The following BIRC3 variants were observed in gnomAD, a reference collection of about 807,000 sequenced individuals.
BIRC3 encodes the protein baculoviral IAP repeat-containing protein 3.
Under a neutral mutation model 59.0 loss-of-function variants are expected in BIRC3, and 26 were observed. The ratio of observed to expected loss-of-function variants is 0.44; its 90% confidence interval spans 0.32 to 0.61. The LOEUF is 0.61. Ranked by LOEUF, BIRC3 falls within the 20% of genes least tolerant of loss-of-function variation. The probability of loss-of-function intolerance (pLI) is 0.04; values close to 1 mark genes in which losing one functional copy is unlikely to be tolerated. For synonymous variants in BIRC3, 243 were observed against 249.2 expected (o/e 0.98, Z 0.24); for missense variants, 641 against 711.5 (o/e 0.90, Z 1.13).
rs775150532 is a variant in BIRC3, at chr11:102,331,039, A to G, written c.1122A>G (p.Ala374=). 1 of 1,613,778 alleles carries G rather than the reference A, an allele frequency of 6.2e-7. No homozygotes were observed. The highest frequency in any genetic ancestry group is 8.5e-7 in the Non-Finnish European group (1 of 1,179,802). Residue 374 remains alanine (A), a synonymous_variant, in exon 6 of 9, where the codon GCA becomes GCG. Transcript: ENST00000263464. ...CTGGAGAAGACCATTCAGAAGATGC[A>G]ATCATGATGAATACTCCTGTGATTA... ...FEPGEDHSED[A]IMMNTPVINA... is the part of the protein sequence containing the mutation.
intron 6 of BIRC3, among the ~76,000 whole-genome samples, chr11:102,335,224 A>G (rs1189537973): frequency 6.6e-6 from 1 of 152,278 alleles, no homozygotes; most frequent in Non-Finnish European, 1.5e-5. Context: ...CCTGGGCGAC[A>G]GAGCAAGACT....
rs1591519098 is a variant in BIRC3 at position 102,322,026 on chromosome 11, A to T, written c.-2484A>T. On this transcript the variant is annotated 5_prime_UTR_variant, in exon 2 of 9. The change abolishes the stop of an existing upstream ORF in the 5' untranslated region. Coordinates refer to ENST00000263464, the MANE Select transcript of BIRC3 (RefSeq NM_001165.5). ...CTATCCAAAGAATGCTAATTTTATA[A>T]ACATGATCGAGTTATATAAGGTATA... The T allele has an allele frequency of 2.0e-5, 4 of 195,242 alleles. No individual in the cohort carries two copies. In the East Asian group the frequency reaches 3.2e-4, roughly 16 times the overall value. The allele number at this position is 195,242 out of a possible 1,614,324, so 12.1% of individuals were successfully genotyped here.
At chr11:102,336,659 A>C in intron 7 of BIRC3, 101 bp from the exon 8 acceptor site, 4 of 1,069,400 alleles carry the variant, frequency 3.7e-6, no homozygotes, top group Non-Finnish European at 5.5e-6. Flanking sequence ...CCTTGAAATG[A>C]GTATTTGGCT....
At position 102,324,514 on chromosome 11, in the gene BIRC3, A is replaced by G; in HGVS notation, c.5A>G (p.Asn2Ser). 5 of 1,608,686 alleles carry G rather than the reference A, an allele frequency of 3.1e-6. No homozygotes were observed. Among genetic ancestry groups the G allele is most frequent in the Admixed American group, 3.4e-5 (2 of 59,474 alleles). M[N>S]IVENSIFLSN... is the part of the protein sequence containing the mutation. ...TTCTTCCCCATTCATTTCATTATGA[A>G]CATAGTAGAAAACAGCATATTCTTA... The change falls in exon 2 of 9, where the codon AAC (asparagine) becomes AGC (serine). Residue 2 changes from asparagine to serine, a missense_variant. By Grantham distance (46) the Asn-to-Ser change is conservative. Transcript: ENST00000263464.
intron 6 of BIRC3, among the ~76,000 whole-genome samples, chr11:102,335,507 T>C (rs183807428): frequency 6.6e-6 from 1 of 152,324 alleles, no homozygotes; most frequent in East Asian, 1.9e-4. Flanking sequence ...TCACTGCAGC[T>C]TCATTTTCTC....
In BIRC3 at chr11:102,325,034, T is replaced by A. The variant is rs1424156417; in HGVS notation, c.525T>A (p.Thr175=). ...AMNNENARLL[T]FQTWPLTFLS... ...ATAACGAAAATGCCAGATTACTTAC[T>A]TTTCAGACATGGCCATTGACTTTTC... The change falls in exon 2 of 9, where the codon ACT becomes ACA. Residue 175 remains threonine, a synonymous_variant. Transcript: ENST00000263464. 1.2e-6 allele frequency: 2 copies of A among 1,614,114 alleles called. No individual in the cohort carries two copies. Among genetic ancestry groups the A allele is most frequent in the African/African-American group, 2.7e-5 (2 of 74,944 alleles).
In BIRC3 at chr11:102,325,088, C is replaced by T. The variant is rs1951068870; in HGVS notation, c.579C>T (p.Gly193=). The change falls in exon 2 of 9, where the codon GGC becomes GGT. Residue 193 remains glycine (G), a synonymous_variant. Transcript: ENST00000263464. ...FLSPTDLAKA[G]FYYIGPGDRV... Reference sequence around the variant, plus strand: ...CGCCAACAGATCTGGCAAAAGCAGGCTTTTACTACATAGGACCTGGAGACA... The same window carrying T: ...CGCCAACAGATCTGGCAAAAGCAGGTTTTTACTACATAGGACCTGGAGACA... 6.2e-7 allele frequency: 1 copy of T among 1,614,084 alleles called. No homozygotes were observed.
chr11:102,338,353 TCATAAGGGTCACAGCTGA>T lies in BIRC3; in HGVS notation c.*1254_*1271del. 1 of 228,430 alleles carries T rather than the reference TCATAAGGGTCACAGCTGA, an allele frequency of 4.4e-6. No individual in the cohort carries two copies. The highest frequency in any genetic ancestry group is 8.7e-6 in the Non-Finnish European group (1 of 115,046). The allele number at this position is 228,430 out of a possible 1,614,324, so 14.2% of individuals were successfully genotyped here. ...GTAAGGGCAGAAGGGAAAGACCCCTTCATAAGGGTCACAGCTGACAATCCTATAACAAAAGACAGGTTA... is the reference window on the plus strand; with the variant it reads ...GTAAGGGCAGAAGGGAAAGACCCCTTCAATCCTATAACAAAAGACAGGTTA... On this transcript the variant is annotated 3_prime_UTR_variant, in exon 9 of 9. Coordinates refer to ENST00000263464, the MANE Select transcript of BIRC3 (RefSeq NM_001165.5).
Position 102,324,338 on chromosome 11 carries a change from T to C in BIRC3, c.-172T>C. 1 of 641,948 alleles carries C rather than the reference T, an allele frequency of 1.6e-6. No individual in the cohort carries two copies. Among genetic ancestry groups the C allele is most frequent in the South Asian group, 2.4e-5 (1 of 41,074 alleles). 39.8% of individuals were successfully genotyped at this position (641,948 alleles called of 1,614,324 possible). Reference sequence around the variant, plus strand: ...GTATTTCTTCCTTAAAATGTATCAGTATAGGATTTAGAATCTCCATGTTGA... The same window carrying C: ...GTATTTCTTCCTTAAAATGTATCAGCATAGGATTTAGAATCTCCATGTTGA... On this transcript the variant is annotated 5_prime_UTR_variant, in exon 2 of 9. Transcript: ENST00000263464.
At chr11:102,320,821 C>T (rs1167161001) in intron 1 of BIRC3, among the ~76,000 whole-genome samples, 1 of 152,228 alleles carries the variant, frequency 6.6e-6, no homozygotes, top group Non-Finnish European at 1.5e-5. Flanking sequence ...TAGACTGTTA[C>T]TGTTAGTGGA....
At chr11:102,320,940 A>G (rs1951025622) in intron 1 of BIRC3, among the ~76,000 whole-genome samples, 1 of 152,256 alleles carries the variant, frequency 6.6e-6, no homozygotes, top group Admixed American at 6.5e-5. Flanking sequence ...CTGCAGGACT[A>G]TAGGCCCAGT....
rs907218648 is a variant in BIRC3 at position 102,337,792 on chromosome 11, C to T, written c.*690C>T. The stretch of plus-strand genomic sequence containing the variant: ...AGTTTAGTCACTCCCAGACTCTTTC[C>T]ATACCTTCTTAAAGCCTCTCAAATA... On this transcript the variant is annotated 3_prime_UTR_variant, in exon 9 of 9. Coordinates refer to ENST00000263464, the MANE Select transcript of BIRC3 (RefSeq NM_001165.5). 23 of 235,062 alleles carry T rather than the reference C, an allele frequency of 9.8e-5. No individual in the cohort carries two copies. The highest frequency in any genetic ancestry group is 5.1e-4 in the African/African-American group (23 of 45,430). 14.6% of individuals were successfully genotyped at this position (235,062 alleles called of 1,614,324 possible). A position where few individuals can be genotyped will look rare whatever the true frequency, so the allele number is the denominator to read the frequency against.
chr11:102,335,834 C>T (rs1269783030), intron 6 of BIRC3, 132 bp from the exon 7 acceptor site: 4 of 899,444 alleles, frequency 4.4e-6, no homozygotes, highest in Non-Finnish European at 6.6e-6. Flanking sequence ...CACCCCTAAA[C>T]CTAGCAATCA....
chr11:102,337,209 C>A lies in BIRC3; in HGVS notation c.*107C>A. ...CCTTAAAATTTTTATTTATTTACAA[C>A]TCAAAAAACATTGTTTTGTGTAACA... is the stretch of plus-strand genomic sequence containing the variant. On this transcript the variant is annotated 3_prime_UTR_variant, in exon 9 of 9. Transcript: ENST00000263464. The A allele has an allele frequency of 1.3e-6, 1 of 795,236 alleles. No homozygotes were observed. The highest frequency in any genetic ancestry group is 3.9e-4 in the Middle Eastern group (1 of 2,540). 49.3% of individuals were successfully genotyped at this position (795,236 alleles called of 1,614,324 possible). A position where few individuals can be genotyped will look rare whatever the true frequency, so the allele number is the denominator to read the frequency against.
In BIRC3 at chr11:102,336,007, C is replaced by T; in HGVS notation, c.1366C>T (p.Gln456Ter). ...CCGGAAGAATAGAATGGCACTTTTT[C>T]AACATTTGACTTGTGTAATTCCAAT... ...LIRKNRMALF[Q>*]HLTCVIPILD... The change falls in exon 7 of 9, where the codon CAA becomes TAA. Residue 456 changes from glutamine to a stop codon, truncating the protein, a stop_gained. Transcript: ENST00000263464. LOFTEE classifies it high-confidence loss of function. The T allele has an allele frequency of 6.2e-7, 1 of 1,610,386 alleles. No homozygotes were observed.
intron 5 of BIRC3, 80 bp downstream of exon 5, chr11:102,329,025 G>A: frequency 2.4e-6 from 2 of 818,084 alleles, no homozygotes; most frequent in Non-Finnish European, 3.7e-6. Flanking sequence ...TAATAGTAAT[G>A]TACCTGTATA....
Position 102,324,329 on chromosome 11 carries a change from A to T in BIRC3, c.-181A>T. 1 of 578,758 alleles carries T rather than the reference A, an allele frequency of 1.7e-6. No individual in the cohort carries two copies. The highest frequency in any genetic ancestry group is 2.8e-6 in the Non-Finnish European group (1 of 352,694). 35.9% of individuals were successfully genotyped at this position (578,758 alleles called of 1,614,324 possible). Reference sequence around the variant, plus strand: ...TGCAATTGTGTATTTCTTCCTTAAAATGTATCAGTATAGGATTTAGAATCT... The same window carrying T: ...TGCAATTGTGTATTTCTTCCTTAAATTGTATCAGTATAGGATTTAGAATCT... On this transcript the variant is annotated 5_prime_UTR_variant, in exon 2 of 9. The change abolishes an upstream ATG in the 5' untranslated region. Coordinates refer to ENST00000263464, the MANE Select transcript of BIRC3 (RefSeq NM_001165.5).
At chr11:102,336,279 T>C (rs752884390) in intron 7 of BIRC3, 59 bp downstream of exon 7, 54 of 1,488,006 alleles carry the variant, frequency 3.6e-5, no homozygotes, top group Non-Finnish European at 4.1e-5. Flanking sequence ...TACGCTCTTA[T>C]TAATAATTTA....
At chr11:102,319,367 C>G (rs998353894) in intron 1 of BIRC3, among the ~76,000 whole-genome samples, 4 of 152,024 alleles carry the variant, frequency 2.6e-5, no homozygotes. Flanking sequence ...TTAAAAATTT[C>G]TTTCATTTGA....
Sources: gnomAD v4.1 joint callset for allele counts (sites outside exome capture counted in the v4.1 genomes callset) on GRCh38, gnomAD v4.1.1 for gene constraint, MANE v1.5 for transcripts, NCBI Gene and HGNC (gene_info 2026-07-23, HGNC 2026-07-21) for gene names.